SMARCC1: variants seen among roughly 807,000 people sequenced by gnomAD.
SMARCC1 encodes the protein SWI/SNF complex subunit SMARCC1.
A neutral mutation model predicts 147.4 loss-of-function variants in SMARCC1; 43 were observed. The observed-to-expected ratio is 0.29, with a 90% CI of 0.23 to 0.38. The LOEUF (loss-of-function observed/expected upper bound fraction) is 0.38, where lower values mean the gene tolerates loss of function less well. Among genes scored for constraint, SMARCC1 ranks in the 10% least tolerant of loss-of-function variants. The probability of loss-of-function intolerance (pLI) is 1.00; values close to 1 mark genes in which losing one functional copy is unlikely to be tolerated. For synonymous variants in SMARCC1, 495 were observed against 484.4 expected (o/e 1.02, Z -0.29); for missense variants, 1,119 against 1,381.1 (o/e 0.81, Z 3.01).
chr3:47,717,720 T>C (rs557892638), intron 7 of SMARCC1, among the ~76,000 whole-genome samples: 1 of 152,038 alleles, frequency 6.6e-6, no homozygotes, highest in Middle Eastern at 3.4e-3. Flanking sequence ...GCACGTGTCA[T>C]CATGACTGGC....
intron 2 of SMARCC1, among the ~76,000 whole-genome samples, chr3:47,770,960 G>C (rs185185946): frequency 6.6e-6 from 1 of 151,840 alleles, no homozygotes; most frequent in Non-Finnish European, 1.5e-5. Context: ...CGCCCAGGCC[G>C]GAGGCAGTGG....
At chr3:47,677,959 T>C (rs1442985814) in intron 16 of SMARCC1, among the ~76,000 whole-genome samples, 2 of 152,072 alleles carry the variant, frequency 1.3e-5, no homozygotes, top group Non-Finnish European at 2.9e-5. Context: ...GAGACCAGCC[T>C]TGGCAACACT....
chr3:47,627,663 T>C (rs2032830932), intron 24 of SMARCC1, among the ~76,000 whole-genome samples: 1 of 152,158 alleles, frequency 6.6e-6, no homozygotes, highest in Non-Finnish European at 1.5e-5. Flanking sequence ...ATAGTAGGAC[T>C]TCTAAGAGTC....
chr3:47,751,540 CA>C (rs57964357), intron 2 of SMARCC1, among the ~76,000 whole-genome samples: 38 of 142,070 alleles, frequency 2.7e-4, no homozygotes, highest in East Asian at 4.1e-4. Flanking sequence ...GACTCTGTCT[CA>C]AAAAAAAAAA....
chr3:47,741,792 G>A (rs1240156766), intron 3 of SMARCC1, among the ~76,000 whole-genome samples: 1 of 151,810 alleles, frequency 6.6e-6, no homozygotes, highest in East Asian at 1.9e-4. Context: ...ATGTTGCCCA[G>A]GTTAGTCTTG....
chr3:47,622,404 T>C (rs960301162), intron 24 of SMARCC1, 63 bp from the exon 25 acceptor site: 5 of 1,464,594 alleles, frequency 3.4e-6, no homozygotes, highest in Non-Finnish European at 4.8e-6. Context: ...ATTAAGAAAA[T>C]GCTGACAATA....
intron 25 of SMARCC1, among the ~76,000 whole-genome samples, chr3:47,620,466 G>GA (rs746084171): frequency 2.9e-3 from 400 of 138,270 alleles, no homozygotes; most frequent in East Asian, 7.6e-3. Context: ...CCGTTTTCAG[G>GA]AAAAAAAAAA....
At chr3:47,735,909 A>T (rs886970543) in intron 5 of SMARCC1, 125 bp downstream of exon 5, 31 of 484,698 alleles carry the variant, frequency 6.4e-5, no homozygotes, top group Admixed American at 1.2e-4. Flanking sequence ...CAAGAAAAAA[A>T]TTTCTTTTGA....
chr3:47,593,090 G>A (rs1172895313), intron 26 of SMARCC1, among the ~76,000 whole-genome samples: 4 of 152,046 alleles, frequency 2.6e-5, no homozygotes, highest in African/African-American at 7.2e-5. Context: ...GGCTCCCAAA[G>A]TGCTGGGTTT....
intron 6 of SMARCC1, among the ~76,000 whole-genome samples, chr3:47,722,236 T>C (rs2034241400): frequency 6.7e-6 from 1 of 150,130 alleles, no homozygotes; most frequent in South Asian, 2.1e-4. Flanking sequence ...TGCACCTTTA[T>C]GAAAAAGAAG....
At chr3:47,593,128 T>C (rs1054693624) in intron 26 of SMARCC1, among the ~76,000 whole-genome samples, 3 of 145,082 alleles carry the variant, frequency 2.1e-5, no homozygotes, top group Non-Finnish European at 1.5e-5. Context: ...CACCTGGCCG[T>C]AGTCTTGGTT....
chr3:47,734,720 G>A (rs1204004323), intron 5 of SMARCC1, among the ~76,000 whole-genome samples: 6 of 152,190 alleles, frequency 3.9e-5, no homozygotes, highest in Non-Finnish European at 5.9e-5. Context: ...TAAGATGTCA[G>A]AACACAGTAC....
intron 27 of SMARCC1, among the ~76,000 whole-genome samples, chr3:47,588,920 G>A (rs1460085171): frequency 6.6e-6 from 1 of 152,092 alleles, no homozygotes; most frequent in African/African-American, 2.4e-5. Context: ...CAATTAGTAT[G>A]AGTGTCTGGG....
intron 3 of SMARCC1, among the ~76,000 whole-genome samples, chr3:47,738,609 G>A (rs1054194535): frequency 3.3e-5 from 5 of 151,974 alleles, no homozygotes; most frequent in African/African-American, 7.3e-5. Context: ...ACTTGAACCC[G>A]AGAGGCGGAG....
At chr3:47,627,331 T>C (rs191699524) in intron 24 of SMARCC1, among the ~76,000 whole-genome samples, 1 of 151,960 alleles carries the variant, frequency 6.6e-6, no homozygotes, top group East Asian at 1.9e-4. Context: ...CATGAGGAAA[T>C]AGAAAGGGTA....
intron 21 of SMARCC1, among the ~76,000 whole-genome samples, chr3:47,647,811 A>G (rs899416783): frequency 5.2e-4 from 79 of 152,348 alleles, no homozygotes; most frequent in African/African-American, 1.9e-3. Flanking sequence ...CACAATCTCT[A>G]TAATCTAGCT....
chr3:47,659,049 C>T (rs780016282), intron 21 of SMARCC1, among the ~76,000 whole-genome samples: 1 of 143,936 alleles, frequency 6.9e-6, no homozygotes, highest in African/African-American at 2.6e-5. Flanking sequence ...ACCCAGGAGG[C>T]GGAGGCTGCA....
intron 11 of SMARCC1, among the ~76,000 whole-genome samples, chr3:47,694,746 T>C (rs772076767): frequency 2.0e-5 from 3 of 152,240 alleles, no homozygotes; most frequent in Non-Finnish European, 4.4e-5. Flanking sequence ...ATCTTATAGA[T>C]GAAAATAGTG....
rs1352401018 is a variant in SMARCC1, at chr3:47,586,024, T to C, written c.*2185A>G. 1 of 152,556 alleles carries C rather than the reference T, an allele frequency of 6.6e-6. No homozygotes were observed. Among genetic ancestry groups the C allele is most frequent in the Non-Finnish European group, 1.5e-5 (1 of 68,030 alleles). 9.5% of individuals were successfully genotyped at this position (152,556 alleles called of 1,614,324 possible). On this transcript the variant is annotated 3_prime_UTR_variant, in exon 28 of 28. Coordinates refer to ENST00000254480, the MANE Select transcript of SMARCC1 (RefSeq NM_003074.4). ...AACAACACACTGAGAAACATGTTTG[T>C]ACAAAAACCACATATTATTCCCCCC...
Sources: gnomAD v4.1 joint callset for allele counts (sites outside exome capture counted in the v4.1 genomes callset) on GRCh38, gnomAD v4.1.1 for gene constraint, MANE v1.5 for transcripts, NCBI Gene and HGNC (gene_info 2026-07-23, HGNC 2026-07-21) for gene names.